Variants in RYR3 observed in about 807,000 individuals in gnomAD.
The protein encoded by RYR3 is ryanodine receptor 3.
RYR3 carries 207 observed loss-of-function variants against 584.3 expected under a neutral mutation model. The ratio of observed to expected loss-of-function variants is 0.35; its 90% confidence interval spans 0.32 to 0.40. The LOEUF (loss-of-function observed/expected upper bound fraction) is 0.40. Ranked by LOEUF, RYR3 falls within the 10% of genes least tolerant of loss-of-function variation. The pLI is 1.00. For missense variants in RYR3, 5,616 were observed against 6,089.2 expected, an observed-to-expected ratio of 0.92 and a Z score of 2.59; for synonymous variants, 2,416 against 2,248.5, an observed-to-expected ratio of 1.07 and a Z score of -2.11.
chr15:33,838,103 T>G lies in RYR3; in HGVS notation c.12123T>G (p.Ile4041Met). Reference sequence around the variant, plus strand: ...AGATCATGGGTGGGGCCAAGAAGATTGAGCGTGTTTATTTTGAGATCAGTG... The same window carrying G: ...AGATCATGGGTGGGGCCAAGAAGATGGAGCGTGTTTATTTTGAGATCAGTG... The part of the protein sequence containing the change: ...RIEIMGGAKK[I>M]ERVYFEISES... Residue 4041 changes from isoleucine (I) to methionine (M), a missense_variant, in exon 89 of 104, where the codon ATT becomes ATG. Physicochemically the swap from Ile to Met is conservative, Grantham distance 10. This residue lies in a region of RYR3 where 258 missense variants were observed against 297.3 expected (regional missense o/e 0.87). Transcript: ENST00000634891. 6.2e-7 allele frequency: 1 copy of G among 1,613,794 alleles called. No homozygotes were observed. The highest frequency in any genetic ancestry group is 8.5e-7 in the Non-Finnish European group (1 of 1,179,866).
At chr15:33,691,735 T>C (rs760964221) in intron 38 of RYR3, among the ~76,000 whole-genome samples, 1 of 152,222 alleles carries the variant, frequency 6.6e-6, no homozygotes, top group Non-Finnish European at 1.5e-5. Context: ...TTTAAAGATG[T>C]AAACTCGAGA....
Position 33,819,675 on chromosome 15 carries a change from A to AAAT in RYR3, c.10707-79_10707-78insTAA, listed in dbSNP as rs2077003628. 2.0e-5 allele frequency: 13 copies of AAAT among 653,976 alleles called. No individual in the cohort carries two copies. In the East Asian group the frequency reaches 4.9e-4, roughly 25 times the overall value. 40.5% of individuals were successfully genotyped at this position (653,976 alleles called of 1,614,324 possible). On this transcript the variant is annotated intron_variant, in intron 76 of 103. Transcript: ENST00000634891. ...GGGGACAAGAGAAAACTCTGTCTCAAAAATAAATAAATAAATAAATAAATA... is the reference window on the plus strand; with the variant it reads ...GGGGACAAGAGAAAACTCTGTCTCAAAATAAATAAATAAATAAATAAATAAATA...
At chr15:33,593,970 C>G (rs140004204) in intron 16 of RYR3, among the ~76,000 whole-genome samples, 1,678 of 152,254 alleles carry the variant, frequency 0.011, 36 homozygotes, top group African/African-American at 0.038. Context: ...TGTTCCATAG[C>G]AGGAATCTCA....
intron 60 of RYR3, among the ~76,000 whole-genome samples, chr15:33,759,375 A>C (rs966647958): frequency 2.6e-5 from 4 of 152,220 alleles, no homozygotes; most frequent in Non-Finnish European, 5.9e-5. Context: ...TTCTCGCCCA[A>C]TGCAAGGAAT....
At position 33,419,397 on chromosome 15, in the gene RYR3, T is replaced by C. The variant is rs147220892; in HGVS notation, c.52-54022T>C. Reference sequence around the variant, plus strand: ...GGAAATCCATTTCAGGTGGAAAAGTTGGCTTTTGGAGGTGCATTGTGTGCC... The same window carrying C: ...GGAAATCCATTTCAGGTGGAAAAGTCGGCTTTTGGAGGTGCATTGTGTGCC... On this transcript the variant is annotated intron_variant, in intron 1 of 103. Coordinates refer to ENST00000634891, the MANE Select transcript of RYR3 (RefSeq NM_001036.6). 2.0e-5 allele frequency among the ~76,000 whole-genome samples: 3 copies of C among 152,272 alleles called. No individual in the cohort carries two copies. The East Asian group carries it at 5.8e-4, about 29-fold the overall frequency.
chr15:33,839,774 G>C (rs1371862765), intron 89 of RYR3: 1 of 152,196 alleles, frequency 6.6e-6, no homozygotes. Context: ...TGCTAGGAAG[G>C]AGAAATGTCA....
chr15:33,690,706 G>GA (rs1176037367), intron 38 of RYR3, among the ~76,000 whole-genome samples: 1 of 152,144 alleles, frequency 6.6e-6, no homozygotes, highest in Non-Finnish European at 1.5e-5. Context: ...CTTTTATATA[G>GA]ATCCGTGGTT....
intron 9 of RYR3, among the ~76,000 whole-genome samples, 170 bp from the exon 10 acceptor site, chr15:33,549,990 T>G (rs952245020): frequency 6.6e-6 from 1 of 152,214 alleles, no homozygotes; most frequent in Admixed American, 6.5e-5. Flanking sequence ...TGCTGGGTTG[T>G]AGGCAGACAT....
intron 1 of RYR3, among the ~76,000 whole-genome samples, chr15:33,399,531 G>A (rs1390408729): frequency 4.6e-5 from 7 of 152,072 alleles, no homozygotes; most frequent in East Asian, 1.9e-4. Flanking sequence ...CCAGCTACTC[G>A]CGAGGCTGAG....
chr15:33,448,922 G>C (rs1166696796), intron 1 of RYR3, among the ~76,000 whole-genome samples: 1 of 152,072 alleles, frequency 6.6e-6, no homozygotes, highest in African/African-American at 2.4e-5. Flanking sequence ...GATTATCCTC[G>C]TCTTCCACAG....
At chr15:33,665,258 G>A (rs2063433400) in intron 36 of RYR3, among the ~76,000 whole-genome samples, 1 of 152,168 alleles carries the variant, frequency 6.6e-6, no homozygotes, top group Non-Finnish European at 1.5e-5. Flanking sequence ...TGCTCGCTGT[G>A]TGGTCTTCCA....
chr15:33,490,583 TA>T (rs1204727131), intron 2 of RYR3, among the ~76,000 whole-genome samples: 2 of 152,154 alleles, frequency 1.3e-5, no homozygotes, highest in Admixed American at 1.3e-4. Flanking sequence ...ATTACCCTAA[TA>T]AGCCATGGCA....
intron 38 of RYR3, among the ~76,000 whole-genome samples, chr15:33,676,476 A>T (rs1291056485): frequency 6.6e-6 from 1 of 152,246 alleles, no homozygotes; most frequent in East Asian, 1.9e-4. Context: ...TGTTAGAGGT[A>T]GGGTTGCCAT....
At chr15:33,860,388 T>C (rs919536734) in intron 100 of RYR3, among the ~76,000 whole-genome samples, 1 of 152,158 alleles carries the variant, frequency 6.6e-6, no homozygotes, top group African/African-American at 2.4e-5. Context: ...TTAACAGCAC[T>C]GCATGGTGTA....
At chr15:33,583,271 A>G (rs1016147068) in intron 14 of RYR3, among the ~76,000 whole-genome samples, 2 of 152,230 alleles carry the variant, frequency 1.3e-5, no homozygotes, top group African/African-American at 4.8e-5. Context: ...TTTTATAGTT[A>G]CATGTTGCTA....
At chr15:33,538,543 A>G (rs750209920) in intron 5 of RYR3, among the ~76,000 whole-genome samples, 4 of 152,170 alleles carry the variant, frequency 2.6e-5, no homozygotes, top group Non-Finnish European at 4.4e-5. Context: ...TGGCTTTTCC[A>G]TGGATTAAAC....
At chr15:33,518,774 C>T (rs2053737380) in intron 3 of RYR3, among the ~76,000 whole-genome samples, 1 of 152,202 alleles carries the variant, frequency 6.6e-6, no homozygotes, top group Admixed American at 6.5e-5. Context: ...CCTAAGCTAG[C>T]CTCTGAAAGG....
rs1353097518 is a variant in RYR3 at position 33,591,086 on chromosome 15, C to G, written c.1788+4970C>G. Among the ~76,000 whole-genome samples the G allele has an allele frequency of 2.0e-5, 3 of 152,192 alleles. No individual in the cohort carries two copies. The East Asian group carries it at 5.8e-4, about 29-fold the overall frequency. ...CTGAATGCACTTTACCCTTTGACCTCTCAATGATTTCACTCTTGTGGATCC... is the reference window on the plus strand; with the variant it reads ...CTGAATGCACTTTACCCTTTGACCTGTCAATGATTTCACTCTTGTGGATCC... On this transcript the variant is annotated intron_variant, in intron 16 of 103. Transcript: ENST00000634891.
In RYR3 at chr15:33,631,406, C is replaced by A; in HGVS notation, c.2867+113C>A. ...GCCCACATAGTTGCTAGCACCAGCTCAGAAGGGCTCCCCTGTTTCCTAGAT... is the reference window on the plus strand; with the variant it reads ...GCCCACATAGTTGCTAGCACCAGCTAAGAAGGGCTCCCCTGTTTCCTAGAT... On this transcript the variant is annotated intron_variant, in intron 23 of 103. Coordinates refer to ENST00000634891, the MANE Select transcript of RYR3 (RefSeq NM_001036.6). 8 of 638,784 alleles carry A rather than the reference C, an allele frequency of 1.3e-5. No homozygotes were observed. In the South Asian group the frequency reaches 1.6e-4, roughly 13 times the overall value. The allele number at this position is 638,784 out of a possible 1,614,324, so 39.6% of individuals were successfully genotyped here.
Sources: allele counts gnomAD v4.1 joint callset (sites outside exome capture counted in the v4.1 genomes callset), GRCh38; gene constraint gnomAD v4.1.1; regional missense constraint gnomAD v4.1.1; transcripts MANE v1.5; gene names NCBI Gene and HGNC (gene_info 2026-07-23, HGNC 2026-07-21).